R3HDM2: variants seen among roughly 807,000 people sequenced by gnomAD.
R3HDM2 encodes R3H domain-containing protein 2.
A neutral mutation model predicts 124.5 loss-of-function variants in R3HDM2; 38 were observed. The observed-to-expected ratio is 0.31, with a 90% confidence interval of 0.24 to 0.40. The LOEUF is 0.40. Among genes scored for constraint, R3HDM2 ranks in the 10% least tolerant of loss-of-function variants. The pLI is 1.00. For synonymous variants in R3HDM2, 391 were observed against 448.0 expected (o/e 0.87, Z 1.61); for missense variants, 869 against 1,236.9 (o/e 0.70, Z 4.46).
chr12:57,257,395 T>C (rs1029815696), intron 21 of R3HDM2, among the ~76,000 whole-genome samples: 15 of 152,254 alleles, frequency 9.9e-5, no homozygotes, highest in Non-Finnish European at 2.1e-4. Context: ...TTACCTATTA[T>C]TGATAAATAT....
intron 13 of R3HDM2, among the ~76,000 whole-genome samples, chr12:57,282,980 T>C (rs1398721796): frequency 6.6e-6 from 1 of 152,168 alleles, no homozygotes; most frequent in African/African-American, 2.4e-5. Context: ...AGAGAAGGTT[T>C]TGTAGCAGGA....
intron 2 of R3HDM2, among the ~76,000 whole-genome samples, chr12:57,349,365 C>T (rs1424579497): frequency 9.3e-6 from 1 of 106,980 alleles, no homozygotes; most frequent in African/African-American, 3.9e-5. Flanking sequence ...GCCGACAGAG[C>T]GAGACTCCGT....
At chr12:57,302,477 C>T (rs2051428741) in intron 4 of R3HDM2, among the ~76,000 whole-genome samples, 1 of 150,698 alleles carries the variant, frequency 6.6e-6, no homozygotes, top group African/African-American at 2.4e-5. Flanking sequence ...ACCAGCCTGA[C>T]CAACATGGTG....
chr12:57,288,509 C>T (rs2047906123), intron 12 of R3HDM2, among the ~76,000 whole-genome samples: 1 of 151,680 alleles, frequency 6.6e-6, no homozygotes, highest in African/African-American at 2.4e-5. Flanking sequence ...AAAAGGTTAG[C>T]CAGAAGACAC....
At chr12:57,363,809 G>A (rs967218577) in intron 2 of R3HDM2, among the ~76,000 whole-genome samples, 11 of 151,872 alleles carry the variant, frequency 7.2e-5, no homozygotes, top group Admixed American at 2.6e-4. Flanking sequence ...GTTCAAGACC[G>A]TAGTGAGCTA....
intron 2 of R3HDM2, among the ~76,000 whole-genome samples, chr12:57,374,021 G>A (rs765888586): frequency 2.0e-5 from 3 of 151,334 alleles, no homozygotes; most frequent in South Asian, 2.1e-4. Context: ...CCAGCTACTC[G>A]GGAGGCTAAG....
chr12:57,395,810 G>T lies in R3HDM2; in HGVS notation c.-97C>A. The T allele has an allele frequency of 3.0e-6, 3 of 983,770 alleles. No individual in the cohort carries two copies. The highest frequency in any genetic ancestry group is 3.6e-6 in the Non-Finnish European group (3 of 829,026). The allele number at this position is 983,770 out of a possible 1,614,324, so 60.9% of individuals were successfully genotyped here. ...GAATGGCATCACATATAAGAAACAAGTCTAACCTCTGGGGGAGGAGGGGGA... is the reference window on the plus strand; with the variant it reads ...GAATGGCATCACATATAAGAAACAATTCTAACCTCTGGGGGAGGAGGGGGA... On this transcript the variant is annotated 5_prime_UTR_variant, in exon 2 of 24. Coordinates refer to ENST00000402412, the MANE Select transcript of R3HDM2 (RefSeq NM_001394031.1).
Position 57,280,364 on chromosome 12 carries a change from G to T in R3HDM2, c.1338C>A (p.Ile446=). 6.2e-7 allele frequency: 1 copy of T among 1,613,206 alleles called. No homozygotes were observed. The highest frequency in any genetic ancestry group is 8.5e-7 in the Non-Finnish European group (1 of 1,179,470). ...ACACTGAGTGGTGACTCACCTGTGAGATCATGTGATTATTCAAGGGTGGCT... is the reference window on the plus strand; with the variant it reads ...ACACTGAGTGGTGACTCACCTGTGATATCATGTGATTATTCAAGGGTGGCT... ...QQQPPLNNHM[I]SQADDLSNPF... The change falls in exon 14 of 24, where the codon ATC becomes ATA. Residue 446 remains isoleucine, a synonymous_variant. Transcript: ENST00000402412.
intron 1 of R3HDM2, among the ~76,000 whole-genome samples, chr12:57,422,406 T>C (rs761934917): frequency 2.4e-4 from 36 of 152,194 alleles, no homozygotes; most frequent in Non-Finnish European, 4.7e-4. Flanking sequence ...ATATGTAGCC[T>C]CATCCCATTC....
At chr12:57,257,839 C>CCTAT in intron 21 of R3HDM2, 151 bp downstream of exon 21, 1 of 800,380 alleles carries the variant, frequency 1.2e-6, no homozygotes, top group Non-Finnish European at 1.7e-6. Flanking sequence ...GTGTCCAAGG[C>CCTAT]CTATACAGGG....
At chr12:57,349,900 T>A (rs1051074383) in intron 2 of R3HDM2, among the ~76,000 whole-genome samples, 2 of 151,320 alleles carry the variant, frequency 1.3e-5, no homozygotes, top group Non-Finnish European at 2.9e-5. Flanking sequence ...GTGCTGTTCC[T>A]GTAAGTTTGT....
At chr12:57,329,439 A>T (rs2057798626) in intron 2 of R3HDM2, among the ~76,000 whole-genome samples, 1 of 152,222 alleles carries the variant, frequency 6.6e-6, no homozygotes, top group Non-Finnish European at 1.5e-5. Context: ...TATCTGTAGG[A>T]TAGGCATGAT....
chr12:57,428,999 C>T (rs1423238246), intron 1 of R3HDM2, among the ~76,000 whole-genome samples: 4 of 152,046 alleles, frequency 2.6e-5, no homozygotes, highest in African/African-American at 4.8e-5. Flanking sequence ...CACCTGCCTT[C>T]GCCTCCCAAA....
chr12:57,328,074 CTT>C lies in R3HDM2; in HGVS notation c.-35-17613_-35-17612del, dbSNP rs71084742. Among the ~76,000 whole-genome samples, 147 of 143,654 alleles carry C rather than the reference CTT, an allele frequency of 1.0e-3. 1 individual carries two copies. Among genetic ancestry groups the C allele is most frequent in the Admixed American group, 1.0e-3 (15 of 14,326 alleles). The allele number at this position is 143,654 out of a possible 152,430, so 94.2% of individuals were successfully genotyped here. A position where few individuals can be genotyped will look rare whatever the true frequency, so the allele number is the denominator to read the frequency against. On this transcript the variant is annotated intron_variant, in intron 2 of 23. Transcript: ENST00000402412. ...AGTCGATTCGGTAAATTCACGTTAT[CTT>C]TTTTTTTTTTTTTGAGACAGGGTCT...
chr12:57,360,693 AAAAGG>A (rs139351679), intron 2 of R3HDM2, among the ~76,000 whole-genome samples: 2,175 of 152,138 alleles, frequency 0.014, 50 homozygotes, highest in African/African-American at 0.051. Flanking sequence ...GGCGAAAGGA[AAAAGG>A]AAAGGAAAGG....
At chr12:57,286,834 T>C (rs1249797230) in intron 12 of R3HDM2, among the ~76,000 whole-genome samples, 2 of 151,842 alleles carry the variant, frequency 1.3e-5, no homozygotes, top group Non-Finnish European at 2.9e-5. Flanking sequence ...GCCGAGATCA[T>C]GCCATTGCAC....
intron 2 of R3HDM2, among the ~76,000 whole-genome samples, chr12:57,312,928 CAAAA>C (rs57500144): frequency 4.0e-5 from 2 of 49,866 alleles, no homozygotes; most frequent in Admixed American, 2.3e-4. Flanking sequence ...GACTCTGGCT[CAAAA>C]AAAAAAAAAA....
chr12:57,319,555 A>G (rs1296463200), intron 2 of R3HDM2, among the ~76,000 whole-genome samples: 1 of 152,162 alleles, frequency 6.6e-6, no homozygotes, highest in African/African-American at 2.4e-5. Flanking sequence ...TGTGCGAGTC[A>G]TAAAGAACAA....
intron 2 of R3HDM2, among the ~76,000 whole-genome samples, chr12:57,386,564 C>A (rs1260101309): frequency 6.6e-6 from 1 of 152,202 alleles, no homozygotes; most frequent in Non-Finnish European, 1.5e-5. Flanking sequence ...CTTCTGTGGG[C>A]TCCTGCGCAG....
Sources: gnomAD v4.1 joint callset for allele counts (sites outside exome capture counted in the v4.1 genomes callset) on GRCh38, gnomAD v4.1.1 for gene constraint, MANE v1.5 for transcripts, NCBI Gene and HGNC (gene_info 2026-07-23, HGNC 2026-07-21) for gene names.